The following PDZRN3 variants were observed in gnomAD, a reference collection of about 807,000 sequenced individuals.
PDZRN3 encodes E3 ubiquitin-protein ligase PDZRN3.
A neutral mutation model predicts 85.7 loss-of-function variants in PDZRN3; 38 were observed. The observed-to-expected ratio is 0.44, with a 90% confidence interval of 0.34 to 0.58. The LOEUF (loss-of-function observed/expected upper bound fraction) is 0.58. Ranked by LOEUF, PDZRN3 falls within the 20% of genes least tolerant of loss-of-function variation. The probability of loss-of-function intolerance (pLI) is 0.01; values close to 1 mark genes in which losing one functional copy is unlikely to be tolerated. For synonymous variants in PDZRN3, 759 were observed against 638.0 expected (o/e 1.19, Z -2.86); for missense variants, 1,629 against 1,506.4 (o/e 1.08, Z -1.35).
chr3:73,603,744 C>G (rs569087756), intron 2 of PDZRN3, among the ~76,000 whole-genome samples: 1 of 152,238 alleles, frequency 6.6e-6, no homozygotes, highest in Admixed American at 6.5e-5. Context: ...TCCCTATATT[C>G]TAAAGGGGGA....
At chr3:73,578,205 C>T (rs1231581177) in intron 3 of PDZRN3, among the ~76,000 whole-genome samples, 1 of 149,870 alleles carries the variant, frequency 6.7e-6, no homozygotes, top group Non-Finnish European at 1.5e-5. Context: ...GCTCTGTTGC[C>T]CAGGCTGGAG....
intron 3 of PDZRN3, among the ~76,000 whole-genome samples, chr3:73,536,665 T>A (rs186368819): frequency 6.6e-6 from 1 of 152,350 alleles, no homozygotes; most frequent in Admixed American, 6.5e-5. Context: ...AGGAAGGCCA[T>A]GTGTCTAGAA....
At chr3:73,437,927 G>T (rs1278141682) in intron 3 of PDZRN3, among the ~76,000 whole-genome samples, 1 of 152,172 alleles carries the variant, frequency 6.6e-6, no homozygotes, top group African/African-American at 2.4e-5. Context: ...GTTAGTGATT[G>T]CAAGTTGTTT....
chr3:73,389,682 C>T (rs750474862), intron 7 of PDZRN3, 134 bp downstream of exon 7: 1 of 686,774 alleles, frequency 1.5e-6, no homozygotes, highest in Non-Finnish European at 2.6e-6. Context: ...CTTGTCTGGC[C>T]TCACTACACA....
intron 3 of PDZRN3, chr3:73,474,518 C>T: frequency 1.6e-5 from 21 of 1,288,254 alleles, no homozygotes; most frequent in Non-Finnish European, 2.0e-5. Flanking sequence ...ATAAGATCAT[C>T]CTCTTGTGTT....
chr3:73,597,293 G>T (rs1235054324), intron 3 of PDZRN3, among the ~76,000 whole-genome samples: 1 of 152,046 alleles, frequency 6.6e-6, no homozygotes, highest in East Asian at 1.9e-4. Context: ...AACAAACCTT[G>T]TTAGCAATGA....
At chr3:73,483,673 A>C (rs1308738003) in intron 3 of PDZRN3, among the ~76,000 whole-genome samples, 1 of 152,240 alleles carries the variant, frequency 6.6e-6, no homozygotes, top group Non-Finnish European at 1.5e-5. Context: ...ACTACAACCC[A>C]ATCAGTGAAC....
chr3:73,620,607 T>G (rs1240460029), intron 1 of PDZRN3, among the ~76,000 whole-genome samples: 1 of 147,170 alleles, frequency 6.8e-6, no homozygotes, highest in Non-Finnish European at 1.5e-5. Flanking sequence ...GACGGAGTCT[T>G]GCTCTTTCAC....
chr3:73,558,880 C>G (rs574408237), intron 3 of PDZRN3, among the ~76,000 whole-genome samples: 1 of 152,354 alleles, frequency 6.6e-6, no homozygotes, highest in African/African-American at 2.4e-5. Flanking sequence ...CACTGTTTGA[C>G]AGCCTACGCA....
Position 73,404,360 on chromosome 3 carries a change from G to T in PDZRN3, c.954C>A (p.Asp318Glu). ...CTGTCTTGAAAGCTTCCACAGCCTG[G>T]TCATGAGTTGCTCTGGATAAGTCTC... is the stretch of plus-strand genomic sequence containing the variant. ...NGRDLSRATH[D>E]QAVEAFKTAK... The change falls in exon 4 of 10, where the codon GAC (aspartate) becomes GAA (glutamate). Residue 318 changes from aspartate (D) to glutamate (E), a missense_variant. Physicochemically the swap from Asp to Glu is conservative, Grantham distance 45 (BLOSUM62 2). Transcript: ENST00000263666. 1 of 1,614,104 alleles carries T rather than the reference G, an allele frequency of 6.2e-7. No homozygotes were observed. The highest frequency in any genetic ancestry group is 8.5e-7 in the Non-Finnish European group (1 of 1,179,988).
At chr3:73,502,942 TTAAG>T (rs1270975719) in intron 3 of PDZRN3, among the ~76,000 whole-genome samples, 1 of 152,230 alleles carries the variant, frequency 6.6e-6, no homozygotes, top group Non-Finnish European at 1.5e-5. Flanking sequence ...TTTTGATCTG[TTAAG>T]TAAGAATTTG....
intron 3 of PDZRN3, among the ~76,000 whole-genome samples, chr3:73,437,045 CAAAAAAA>C: frequency 1.4e-5 from 1 of 72,690 alleles, no homozygotes; most frequent in African/African-American, 3.6e-5. Flanking sequence ...GACTCTGTCT[CAAAAAAA>C]AAAAAAAAAA....
Position 73,453,086 on chromosome 3 carries a change from T to C in PDZRN3, c.919-48691A>G, listed in dbSNP as rs371712387. 1.9e-4 allele frequency among the ~76,000 whole-genome samples: 29 copies of C among 152,200 alleles called. No individual in the cohort carries two copies. In the South Asian group the frequency reaches 5.8e-3, roughly 31 times the overall value. On this transcript the variant is annotated intron_variant, in intron 3 of 9. Coordinates refer to ENST00000263666, the MANE Select transcript of PDZRN3 (RefSeq NM_015009.3). Reference sequence around the variant, plus strand: ...AAACAGGTTGGAGAAAGTATGCCACTTTCCCTTTCCAGCAGTCAGGCTAGA... The same window carrying C: ...AAACAGGTTGGAGAAAGTATGCCACCTTCCCTTTCCAGCAGTCAGGCTAGA...
chr3:73,460,420 T>C (rs1418634768), intron 3 of PDZRN3, among the ~76,000 whole-genome samples: 1 of 152,228 alleles, frequency 6.6e-6, no homozygotes, highest in South Asian at 2.1e-4. Context: ...GCAAGCCCAG[T>C]GGCCCCTCAT....
At chr3:73,609,864 A>T (rs1291217752) in intron 1 of PDZRN3, among the ~76,000 whole-genome samples, 1 of 152,218 alleles carries the variant, frequency 6.6e-6, no homozygotes. Flanking sequence ...TTCTACCTGC[A>T]GTGCCCTGTG....
At chr3:73,522,108 C>T (rs115235164) in intron 3 of PDZRN3, among the ~76,000 whole-genome samples, 2,280 of 152,320 alleles carry the variant, frequency 0.015, 23 homozygotes, top group Middle Eastern at 0.024. Flanking sequence ...CACACCCATT[C>T]ACTTTCATCT....
intron 3 of PDZRN3, among the ~76,000 whole-genome samples, chr3:73,513,110 G>A (rs1262659633): frequency 6.6e-6 from 1 of 152,150 alleles, no homozygotes; most frequent in Non-Finnish European, 1.5e-5. Context: ...CAGCCTGCCA[G>A]GGCACTCTGA....
intron 3 of PDZRN3, chr3:73,434,010 T>A: frequency 8.5e-7 from 1 of 1,179,686 alleles, no homozygotes; most frequent in Non-Finnish European, 1.1e-6. Context: ...TGTGGTCCAA[T>A]GCACACGCTA....
chr3:73,459,041 G>A (rs1468496223), intron 3 of PDZRN3, among the ~76,000 whole-genome samples: 11 of 151,446 alleles, frequency 7.3e-5, no homozygotes, highest in Non-Finnish European at 1.6e-4. Context: ...AGGTTTAATT[G>A]ACTCACAGTT....
Sources: allele counts gnomAD v4.1 joint callset (sites outside exome capture counted in the v4.1 genomes callset), GRCh38; gene constraint gnomAD v4.1.1; transcripts MANE v1.5; gene names NCBI Gene and HGNC (gene_info 2026-07-23, HGNC 2026-07-21).